ZFP36L1: variants seen among roughly 807,000 people sequenced by gnomAD.
ZFP36L1 encodes the protein ZFP36 like 1 zinc finger CCCH-type.
A neutral mutation model predicts 16.7 loss-of-function variants in ZFP36L1; 4 were observed. The ratio of observed to expected loss-of-function variants is 0.24; its 90% confidence interval spans 0.12 to 0.55. ZFP36L1 has a LOEUF of 0.55. Ranked by LOEUF, ZFP36L1 falls within the 20% of genes least tolerant of loss-of-function variation. The pLI is 0.94. For missense variants in ZFP36L1, 311 were observed against 449.2 expected (o/e 0.69, Z 2.78); for synonymous variants, 220 against 190.8 (o/e 1.15, Z -1.26).
chr14:68,793,924 G>A (rs1895181709), upstream of ZFP36L1: 2 of 981,182 alleles, frequency 2.0e-6, no homozygotes, highest in Non-Finnish European at 2.4e-6. Context: ...CCGGGTGTGG[G>A]CGGGTGGGGG....
upstream of ZFP36L1, chr14:68,793,457 G>A: frequency 9.1e-6 from 9 of 991,340 alleles, no homozygotes; most frequent in African/African-American, 1.7e-5. Flanking sequence ...TCAGAGCGCG[G>A]CTGTGACGTC....
rs1895013331 is a variant in ZFP36L1 at position 68,789,700 on chromosome 14, C to T, written c.850G>A (p.Glu284Lys). ...PTTFLFRPMS[E>K]SPHMFDSPPS... ...GGAGAGTCAAACATGTGAGGGGACT[C>T]GGACATGGGCCGGAAGAGGAAGGTG... is the stretch of plus-strand genomic sequence containing the variant. Residue 284 changes from glutamate to lysine, a missense_variant, in exon 2 of 2, where the codon GAG becomes AAG. This residue lies in a region of ZFP36L1 where 147 missense variants were observed against 192.0 expected (regional missense o/e 0.77). Coordinates refer to ENST00000439696, the MANE Select transcript of ZFP36L1 (RefSeq NM_004926.4). The surrounding 1 kb of genome is among the most constrained non-coding windows in gnomAD (Gnocchi z 4.5). 2 of 1,613,918 alleles carry T rather than the reference C, an allele frequency of 1.2e-6. No individual in the cohort carries two copies. Among genetic ancestry groups the T allele is most frequent in the Non-Finnish European group, 1.7e-6 (2 of 1,180,010 alleles).
rs754371563 is a variant in ZFP36L1, at chr14:68,792,608, C to G, written c.57+274G>C. On this transcript the variant is annotated intron_variant, in intron 1 of 1. Coordinates refer to ENST00000439696, the MANE Select transcript of ZFP36L1 (RefSeq NM_004926.4). ...ACTTGTCCCAATCCCAGCCCTCCCC[C>G]CGAAGCCCCCGGGCTGCCCTGCCAG... is the stretch of plus-strand genomic sequence containing the variant. Among the ~76,000 whole-genome samples, 8 of 152,274 alleles carry G rather than the reference C, an allele frequency of 5.3e-5. 1 individual carries two copies. Among genetic ancestry groups the G allele is most frequent in the South Asian group, 4.1e-4 (2 of 4,832 alleles).
chr14:68,793,267 G>A (rs1895158021), upstream of ZFP36L1: 1 of 987,996 alleles, frequency 1.0e-6, no homozygotes, highest in Non-Finnish European at 1.2e-6. Flanking sequence ...GGGGAGGGGA[G>A]ACGAGAAAAG....
rs1894952186 is a variant in ZFP36L1, at chr14:68,787,774, A to G, written c.*1759T>C. 2 of 152,792 alleles carry G rather than the reference A, an allele frequency of 1.3e-5. No individual in the cohort carries two copies. The highest frequency in any genetic ancestry group is 4.8e-5 in the African/African-American group (2 of 41,444). The allele number at this position is 152,792 out of a possible 1,614,324, so 9.5% of individuals were successfully genotyped here. On this transcript the variant is annotated 3_prime_UTR_variant, in exon 2 of 2. Transcript: ENST00000439696. ...AGAAAGAGAAATAGAAAGCGACGGT[A>G]GTGACCAGCAAGAGGAATAATAATT...
Position 68,792,990 on chromosome 14 carries a change from C to T in ZFP36L1, c.-52G>A, listed in dbSNP as rs756105855. 4 of 1,611,490 alleles carry T rather than the reference C, an allele frequency of 2.5e-6. No homozygotes were observed. Among genetic ancestry groups the T allele is most frequent in the Non-Finnish European group, 3.4e-6 (4 of 1,179,576 alleles). Reference sequence around the variant, plus strand: ...GAGGATCTGGTGTGTCGCGAAGGTCCCGGTGCGGGGAAGGCGCAGCCTCTC... The same window carrying T: ...GAGGATCTGGTGTGTCGCGAAGGTCTCGGTGCGGGGAAGGCGCAGCCTCTC... On this transcript the variant is annotated 5_prime_UTR_variant, in exon 1 of 2. Coordinates refer to ENST00000439696, the MANE Select transcript of ZFP36L1 (RefSeq NM_004926.4).
At chr14:68,792,179 C>T (rs1895094254) in intron 1 of ZFP36L1, among the ~76,000 whole-genome samples, 1 of 151,976 alleles carries the variant, frequency 6.6e-6, no homozygotes, top group Admixed American at 6.6e-5. Flanking sequence ...CATTTTGTCG[C>T]CACCTCCCCC....
At position 68,788,474 on chromosome 14, in the gene ZFP36L1, T is replaced by C. The variant is rs1009080154; in HGVS notation, c.*1059A>G. The stretch of plus-strand genomic sequence containing the variant: ...CCCAGGGAAGAAAGCATGGCGTGAG[T>C]GCTCTAAGGATAGACCTACGGTATT... On this transcript the variant is annotated 3_prime_UTR_variant, in exon 2 of 2. Transcript: ENST00000439696. 6 of 152,764 alleles carry C rather than the reference T, an allele frequency of 3.9e-5. No homozygotes were observed. Among genetic ancestry groups the C allele is most frequent in the African/African-American group, 1.4e-4 (6 of 41,438 alleles). The allele number at this position is 152,764 out of a possible 1,614,324, so 9.5% of individuals were successfully genotyped here.
rs60997232 is a variant in ZFP36L1, at chr14:68,787,718, GT to G, written c.*1814del. ...AAACTGCAAATAGTCGTTACAAAAA[GT>G]TTTTTTTTCTTTTAAATAAATTCAC... On this transcript the variant is annotated 3_prime_UTR_variant, in exon 2 of 2. Coordinates refer to ENST00000439696, the MANE Select transcript of ZFP36L1 (RefSeq NM_004926.4). The G allele has an allele frequency of 0.15, 23,013 of 151,362 alleles. 1,978 individuals carry two copies. The highest frequency in any genetic ancestry group is 0.38 in the East Asian group (1,990 of 5,200). The allele number at this position is 151,362 out of a possible 1,614,324, so 9.4% of individuals were successfully genotyped here. A position where few individuals can be genotyped will look rare whatever the true frequency, so the allele number is the denominator to read the frequency against.
chr14:68,791,328 A>G (rs559538700), intron 1 of ZFP36L1: 23 of 499,540 alleles, frequency 4.6e-5, no homozygotes, highest in African/African-American at 4.5e-4. Flanking sequence ...AGGAAAAGGA[A>G]AGCACCAACC....
upstream of ZFP36L1, chr14:68,793,769 CCA>C: frequency 1.0e-6 from 1 of 985,292 alleles, no homozygotes; most frequent in South Asian, 4.7e-5. Flanking sequence ...TGTTTTTTTT[CCA>C]GCGGGGCGTA....
In ZFP36L1 at chr14:68,792,997, G is replaced by C. The variant is rs749380861; in HGVS notation, c.-59C>G. 34 of 1,610,364 alleles carry C rather than the reference G, an allele frequency of 2.1e-5. No individual in the cohort carries two copies. Among genetic ancestry groups the C allele is most frequent in the Admixed American group, 3.3e-5 (2 of 59,978 alleles). ...TGGTGTGTCGCGAAGGTCCCGGTGC[G>C]GGGAAGGCGCAGCCTCTCCTGTCTG... On this transcript the variant is annotated 5_prime_UTR_variant, in exon 1 of 2. Transcript: ENST00000439696.
In ZFP36L1 at chr14:68,789,847, C is replaced by T. The variant is rs1895019141; in HGVS notation, c.703G>A (p.Asp235Asn). The T allele has an allele frequency of 6.2e-7, 1 of 1,611,136 alleles. No homozygotes were observed. Among genetic ancestry groups the T allele is most frequent in the Non-Finnish European group, 8.5e-7 (1 of 1,180,002 alleles). ...AGGGTAGGTGAGCCCAGGAGGTCATCGGCGCTCAGAATAGGGGGTGGGGTG... is the reference window on the plus strand; with the variant it reads ...AGGGTAGGTGAGCCCAGGAGGTCATTGGCGCTCAGAATAGGGGGTGGGGTG... ...SITPPPILSADDLLGSPTLPD... is the reference protein window; with the variant it reads ...SITPPPILSANDLLGSPTLPD... Residue 235 changes from aspartate (D) to asparagine (N), a missense_variant, in exon 2 of 2, where the codon GAT becomes AAT. Physicochemically the swap from Asp to Asn is conservative, Grantham distance 23. Around this residue, in one of 4 missense-constraint regions of ZFP36L1, gnomAD observed 147 missense variants for 192.0 expected, o/e 0.77. Transcript: ENST00000439696. This position sits in a 1 kb window ranked among gnomAD's most constrained non-coding sequence, Gnocchi z 4.5.
Position 68,789,992 on chromosome 14 carries a change from G to T in ZFP36L1, c.558C>A (p.Ala186=). 6.2e-7 allele frequency: 1 copy of T among 1,606,550 alleles called. No individual in the cohort carries two copies. ...IHNAEERRAL[A]GARDLSADRP... ...GGTCAGCGGAGAGGTCCCGGGCCCCGGCCAGGGCACGGCGCTCTTCAGCGT... is the reference window on the plus strand; with the variant it reads ...GGTCAGCGGAGAGGTCCCGGGCCCCTGCCAGGGCACGGCGCTCTTCAGCGT... The change falls in exon 2 of 2, where the codon GCC becomes GCA. Residue 186 remains alanine, a synonymous_variant. Coordinates refer to ENST00000439696, the MANE Select transcript of ZFP36L1 (RefSeq NM_004926.4). This position sits in a 1 kb window ranked among gnomAD's most constrained non-coding sequence, Gnocchi z 4.5.
chr14:68,792,551 G>C (rs1179753391), intron 1 of ZFP36L1, among the ~76,000 whole-genome samples: 6 of 152,224 alleles, frequency 3.9e-5, no homozygotes, highest in South Asian at 4.2e-4. Context: ...CTGGGATCCA[G>C]CAGCACGTTA....
At chr14:68,791,825 C>A (rs563603607) in intron 1 of ZFP36L1, among the ~76,000 whole-genome samples, 1 of 152,176 alleles carries the variant, frequency 6.6e-6, no homozygotes, top group Non-Finnish European at 1.5e-5. Flanking sequence ...CTCTTCAGCT[C>A]CTCGGCGTCC....
chr14:68,791,238 G>A (rs1895061020), intron 1 of ZFP36L1: 1 of 554,012 alleles, frequency 1.8e-6, no homozygotes, highest in South Asian at 2.3e-5. Flanking sequence ...AGATGCCTTT[G>A]CAATTAGTCT....
intron 1 of ZFP36L1, among the ~76,000 whole-genome samples, chr14:68,792,111 A>T (rs575567613): frequency 6.6e-6 from 1 of 152,248 alleles, no homozygotes; most frequent in Admixed American, 6.5e-5. Flanking sequence ...GACAAGCAAC[A>T]TGTTTTAAGG....
chr14:68,795,580 A>G (rs377335356), upstream of ZFP36L1, among the ~76,000 whole-genome samples: 18 of 152,238 alleles, frequency 1.2e-4, no homozygotes, highest in African/African-American at 3.9e-4. Context: ...GGATTTTTCC[A>G]AAGAAAGCTG....
Sources: gnomAD v4.1 joint callset for allele counts (sites outside exome capture counted in the v4.1 genomes callset) on GRCh38, gnomAD v4.1.1 for gene constraint, gnomAD v4.1.1 regional missense constraint, Gnocchi (gnomAD v3.1) non-coding constraint, MANE v1.5 for transcripts, NCBI Gene and HGNC (gene_info 2026-07-23, HGNC 2026-07-21) for gene names.